KCNIP4: variants seen among roughly 807,000 people sequenced by gnomAD.
KCNIP4 encodes the protein potassium voltage-gated channel interacting protein 4.
In KCNIP4, 12 loss-of-function variants were observed where a neutral mutation model predicts 34.0. The ratio of observed to expected loss-of-function variants is 0.35; its 90% CI spans 0.23 to 0.57. The LOEUF (loss-of-function observed/expected upper bound fraction) is 0.57, where lower values mean the gene tolerates loss of function less well. Among genes scored for constraint, KCNIP4 ranks in the 20% least tolerant of loss-of-function variants. The pLI is 0.83. For synonymous variants in KCNIP4, 124 were observed against 102.2 expected, an observed-to-expected ratio of 1.21 and a Z score of -1.29; for missense variants, 238 against 311.7, an observed-to-expected ratio of 0.76 and a Z score of 1.78.
chr4:21,400,548 CT>C lies in KCNIP4; in HGVS notation c.62-517840del, dbSNP rs1723449598. Among the ~76,000 whole-genome samples the C allele has an allele frequency of 2.9e-5, 3 of 102,642 alleles. No individual in the cohort carries two copies. The South Asian group carries it at 8.6e-4, about 29-fold the overall frequency. The allele number at this position is 102,642 out of a possible 152,430, so 67.3% of individuals were successfully genotyped here. A position where few individuals can be genotyped will look rare whatever the true frequency, so the allele number is the denominator to read the frequency against. On this transcript the variant is annotated intron_variant, in intron 1 of 8. Coordinates refer to ENST00000382152, the MANE Select transcript of KCNIP4 (RefSeq NM_025221.6). ...CTCTTCTCTTCTCTTCTCTTCTCTT[CT>C]CTTCTCTTCTCTTCTCTTCTCTTCT...
intron 3 of KCNIP4, among the ~76,000 whole-genome samples, chr4:20,831,100 CA>C (rs2149457939): frequency 6.6e-6 from 1 of 152,174 alleles, no homozygotes; most frequent in Non-Finnish European, 1.5e-5. Flanking sequence ...TTACTTTTTC[CA>C]TAAAACCTAA....
At chr4:20,973,033 T>C (rs1735130802) in intron 1 of KCNIP4, among the ~76,000 whole-genome samples, 3 of 152,096 alleles carry the variant, frequency 2.0e-5, no homozygotes, top group Admixed American at 6.6e-5. Flanking sequence ...GAATGGTAAA[T>C]GAGTACTGGC....
chr4:21,138,135 G>C (rs933571654), intron 1 of KCNIP4, among the ~76,000 whole-genome samples: 4 of 152,108 alleles, frequency 2.6e-5, no homozygotes, highest in African/African-American at 9.7e-5. Context: ...GCCTCCCAAA[G>C]TGCATATGCT....
intron 1 of KCNIP4, among the ~76,000 whole-genome samples, chr4:21,249,374 G>T (rs940080462): frequency 1.3e-5 from 2 of 152,098 alleles, no homozygotes; most frequent in African/African-American, 4.8e-5. Context: ...GTTGGAAATG[G>T]CAGTGGGCTG....
At chr4:21,284,199 C>G (rs184847417) in intron 1 of KCNIP4, among the ~76,000 whole-genome samples, 1 of 148,828 alleles carries the variant, frequency 6.7e-6, no homozygotes, top group Non-Finnish European at 1.5e-5. Flanking sequence ...GGCGACAGAG[C>G]GAGACTCCGT....
chr4:21,797,859 A>G (rs557880458), intron 1 of KCNIP4, among the ~76,000 whole-genome samples: 1 of 152,236 alleles, frequency 6.6e-6, no homozygotes, highest in South Asian at 2.1e-4. Flanking sequence ...CATGATAAAC[A>G]CTCTGGTAAG....
intron 1 of KCNIP4, among the ~76,000 whole-genome samples, chr4:21,699,641 A>C (rs1712666504): frequency 6.6e-6 from 1 of 152,184 alleles, no homozygotes; most frequent in Non-Finnish European, 1.5e-5. Flanking sequence ...GCTGCGAATG[A>C]GCTTGGCATC....
intron 1 of KCNIP4, among the ~76,000 whole-genome samples, chr4:21,672,158 G>A (rs1404715042): frequency 1.3e-5 from 2 of 152,162 alleles, no homozygotes; most frequent in Non-Finnish European, 2.9e-5. Context: ...GCGAGGAATA[G>A]CATTAAAAGA....
intron 1 of KCNIP4, among the ~76,000 whole-genome samples, chr4:21,738,882 CAAA>C (rs1716203375): frequency 6.6e-6 from 1 of 151,958 alleles, no homozygotes; most frequent in African/African-American, 2.4e-5. Flanking sequence ...TATCATTAAA[CAAA>C]AAGGGAAGAA....
chr4:21,050,261 G>GC (rs1293918181), intron 1 of KCNIP4, among the ~76,000 whole-genome samples: 3 of 152,258 alleles, frequency 2.0e-5, no homozygotes, highest in East Asian at 3.9e-4. Flanking sequence ...GATCATGGTG[G>GC]CACTATTTTA....
At chr4:21,788,020 C>G (rs182574966) in intron 1 of KCNIP4, among the ~76,000 whole-genome samples, 1 of 152,014 alleles carries the variant, frequency 6.6e-6, no homozygotes, top group Admixed American at 6.5e-5. Context: ...AGGCAGGCCG[C>G]TTGATACATT....
rs149076475 is a variant in KCNIP4 at position 21,549,550 on chromosome 4, C to T, written c.61+399021G>A. Among the ~76,000 whole-genome samples the T allele has an allele frequency of 4.3e-3, 650 of 152,086 alleles. 2 individuals are homozygous for T. Among genetic ancestry groups the T allele is most frequent in the Non-Finnish European group, 7.2e-3 (491 of 67,988 alleles). ...AAGCTTCCTTAGGCCTCACTAGAAG[C>T]CAAGCAGATGCTGGTACCATGTCTC... On this transcript the variant is annotated intron_variant, in intron 1 of 8. Transcript: ENST00000382152.
intron 1 of KCNIP4, among the ~76,000 whole-genome samples, chr4:21,830,483 C>T (rs1173710853): frequency 6.6e-6 from 1 of 151,976 alleles, no homozygotes; most frequent in Non-Finnish European, 1.5e-5. Context: ...CAAGACCAGC[C>T]TGACCAACAC....
At chr4:21,682,220 T>C (rs970954875) in intron 1 of KCNIP4, among the ~76,000 whole-genome samples, 1 of 152,192 alleles carries the variant, frequency 6.6e-6, no homozygotes, top group Admixed American at 6.5e-5. Flanking sequence ...AATGACCAGC[T>C]ATTGCAAAAA....
chr4:21,313,364 CTAT>C (rs1713396357), intron 1 of KCNIP4, among the ~76,000 whole-genome samples: 1 of 152,102 alleles, frequency 6.6e-6, no homozygotes, highest in Admixed American at 6.5e-5. Context: ...ATTGTTTATC[CTAT>C]TATTTTATTG....
intron 1 of KCNIP4, among the ~76,000 whole-genome samples, chr4:21,872,191 T>G (rs1160071241): frequency 1.3e-5 from 2 of 152,014 alleles, no homozygotes; most frequent in Non-Finnish European, 2.9e-5. Context: ...AAGGTTGATA[T>G]TGCTGAACTA....
chr4:21,901,729 T>C (rs745780341), intron 1 of KCNIP4, among the ~76,000 whole-genome samples: 11 of 152,172 alleles, frequency 7.2e-5, no homozygotes, highest in Non-Finnish European at 1.2e-4. Flanking sequence ...TTCTTTAATA[T>C]TGCAAACTAG....
At chr4:21,337,484 C>G (rs1228201215) in intron 1 of KCNIP4, among the ~76,000 whole-genome samples, 1 of 152,124 alleles carries the variant, frequency 6.6e-6, no homozygotes, top group Non-Finnish European at 1.5e-5. Context: ...AAGCTTTGAA[C>G]AGACATGCTC....
chr4:20,804,912 G>A (rs549651182), intron 3 of KCNIP4, among the ~76,000 whole-genome samples: 1 of 152,212 alleles, frequency 6.6e-6, no homozygotes, highest in African/African-American at 2.4e-5. Flanking sequence ...CTGTGTGGTG[G>A]TAAATCTAAC....
Sources: allele counts gnomAD v4.1 joint callset (sites outside exome capture counted in the v4.1 genomes callset), GRCh38; gene constraint gnomAD v4.1.1; transcripts MANE v1.5; gene names NCBI Gene and HGNC (gene_info 2026-07-23, HGNC 2026-07-21).